The following ZNF326 variants were observed in gnomAD, a reference collection of about 807,000 sequenced individuals.
The protein encoded by ZNF326 is DBIRD complex subunit ZNF326.
In ZNF326, 30 loss-of-function variants were observed where a neutral mutation model predicts 63.1. The observed-to-expected ratio is 0.48, with a 90% CI of 0.36 to 0.64. ZNF326 has a LOEUF of 0.64. Ranked by LOEUF, ZNF326 falls within the 30% of genes least tolerant of loss-of-function variation. ZNF326 has a pLI of 0.00. For missense variants in ZNF326, 609 were observed against 720.3 expected (o/e 0.85, Z 1.77); for synonymous variants, 194 against 228.2 (o/e 0.85, Z 1.35).
At position 90,007,197 on chromosome 1, in the gene ZNF326, A is replaced by T; in HGVS notation, c.210-148A>T. 1 of 731,512 alleles carries T rather than the reference A, an allele frequency of 1.4e-6. No homozygotes were observed. 45.3% of individuals were successfully genotyped at this position (731,512 alleles called of 1,614,324 possible). On this transcript the variant is annotated intron_variant, in intron 4 of 11. Coordinates refer to ENST00000340281, the MANE Select transcript of ZNF326 (RefSeq NM_182976.4). This position sits in a 1 kb window ranked among gnomAD's most constrained non-coding sequence, Gnocchi z 4.9. ...TCTCACGTTGAACTGCCCAGCCCTA[A>T]TCAAATGTGAACAAAAGTAGAACTG...
rs1378231842 is a variant in ZNF326, at chr1:90,028,772, A to AT, written c.*1078dup. 2.7e-5 allele frequency: 4 copies of AT among 149,730 alleles called. No homozygotes were observed. Among genetic ancestry groups the AT allele is most frequent in the Non-Finnish European group, 4.4e-5 (3 of 67,484 alleles). 9.3% of individuals were successfully genotyped at this position (149,730 alleles called of 1,614,324 possible). A position where few individuals can be genotyped will look rare whatever the true frequency, so the allele number is the denominator to read the frequency against. ...TATGTCACTAAAAAGTAGTGCTCTT[A>AT]TTTTTTTCAATCTTTACTGTGGCCT... On this transcript the variant is annotated 3_prime_UTR_variant, in exon 12 of 12. Transcript: ENST00000340281.
intron 7 of ZNF326, among the ~76,000 whole-genome samples, chr1:90,015,333 T>C (rs999163944): frequency 3.3e-5 from 5 of 152,154 alleles, no homozygotes; most frequent in Non-Finnish European, 5.9e-5. Context: ...TAATAGTGTA[T>C]GGTGAAGGAT....
At chr1:89,999,256 A>G (rs548801157) in intron 2 of ZNF326, among the ~76,000 whole-genome samples, 2 of 151,212 alleles carry the variant, frequency 1.3e-5, no homozygotes, top group African/African-American at 4.8e-5. Context: ...CTGACTAGTA[A>G]TGGGTAGAAA....
intron 7 of ZNF326, among the ~76,000 whole-genome samples, chr1:90,015,500 T>G (rs1557524613): frequency 6.6e-6 from 1 of 152,050 alleles, no homozygotes. Context: ...GGCAACATGG[T>G]GAAACCTCAT....
intron 2 of ZNF326, among the ~76,000 whole-genome samples, chr1:90,002,571 A>G (rs1306803214): frequency 6.6e-6 from 1 of 152,208 alleles, no homozygotes; most frequent in African/African-American, 2.4e-5. Flanking sequence ...CTATATACTT[A>G]CCAACTGTAT....
At position 90,027,471 on chromosome 1, in the gene ZNF326, G is replaced by A. The variant is rs535814299; in HGVS notation, c.1519G>A (p.Glu507Lys). 1.9e-6 allele frequency: 3 copies of A among 1,613,808 alleles called. No homozygotes were observed. Among genetic ancestry groups the A allele is most frequent in the East Asian group, 4.5e-5 (2 of 44,856 alleles). ...IEEEEDEDEE[E>K]EAEEVGEVEE... ...AGAAGAGGAGGATGAAGATGAGGAAGAAGAAGCAGAGGAAGTGGGGGAAGT... is the reference window on the plus strand; with the variant it reads ...AGAAGAGGAGGATGAAGATGAGGAAAAAGAAGCAGAGGAAGTGGGGGAAGT... The change falls in exon 12 of 12, where the codon GAA (glutamate) becomes AAA (lysine). Residue 507 changes from glutamate to lysine, a missense_variant. Around this residue, in one of 3 missense-constraint regions of ZNF326, gnomAD observed 399 missense variants for 444.3 expected, o/e 0.90. Transcript: ENST00000340281.
chr1:90,017,317 A>G lies in ZNF326; in HGVS notation c.927A>G (p.Arg309=), dbSNP rs777293001. 12 of 1,582,138 alleles carry G rather than the reference A, an allele frequency of 7.6e-6. No individual in the cohort carries two copies. The highest frequency in any genetic ancestry group is 1.0e-5 in the Non-Finnish European group (12 of 1,169,304). Residue 309 remains arginine (R), a splice_region_variant and synonymous_variant, in exon 8 of 12, where the codon AGA becomes AGG. Transcript: ENST00000340281. ...AGGAAAACTTTTTTTTCTCTTACAG[A>G]ATGGCATTTACATGTTCATTTTGTA... ...KNSEKYGDGY[R]MAFTCSFCKF... is the part of the protein sequence containing the mutation.
Position 90,020,777 on chromosome 1 carries a change from G to T in ZNF326, c.1175-15G>T. ...CATATGAATTATTTCTTTAATAATT[G>T]GATGTCTTTTGTAGGTGTTACTGTA... On this transcript the variant is annotated splice_polypyrimidine_tract_variant and intron_variant, in intron 9 of 11. Transcript: ENST00000340281. The T allele has an allele frequency of 6.3e-7, 1 of 1,590,344 alleles. No individual in the cohort carries two copies. The highest frequency in any genetic ancestry group is 8.5e-7 in the Non-Finnish European group (1 of 1,170,316).
intron 11 of ZNF326, among the ~76,000 whole-genome samples, chr1:90,026,036 T>A (rs1650000366): frequency 6.6e-6 from 1 of 151,710 alleles, no homozygotes. Flanking sequence ...CGATCTTGGC[T>A]CACTGCAGGC....
intron 5 of ZNF326, among the ~76,000 whole-genome samples, chr1:90,008,335 C>A (rs1221420718): frequency 6.6e-6 from 1 of 152,174 alleles, no homozygotes; most frequent in Non-Finnish European, 1.5e-5. Flanking sequence ...CTCACGCTTA[C>A]AATATGTCCA....
intron 7 of ZNF326, among the ~76,000 whole-genome samples, chr1:90,015,824 C>A (rs978680872): frequency 1.3e-5 from 2 of 152,108 alleles, no homozygotes; most frequent in Admixed American, 6.6e-5. Context: ...GCCATCAAAG[C>A]AAACAGGAAT....
intron 11 of ZNF326, among the ~76,000 whole-genome samples, chr1:90,026,924 A>G (rs1434629381): frequency 6.6e-6 from 1 of 152,164 alleles, no homozygotes; most frequent in African/African-American, 2.4e-5. Flanking sequence ...TATCTAGTAG[A>G]TTAAGCGAGG....
intron 7 of ZNF326, 65 bp downstream of exon 7, chr1:90,013,302 T>C: frequency 8.4e-7 from 1 of 1,190,418 alleles, no homozygotes; most frequent in Non-Finnish European, 1.1e-6. Flanking sequence ...AGCCAACACA[T>C]CAATTGTAAT....
intron 11 of ZNF326, among the ~76,000 whole-genome samples, chr1:90,023,599 A>G (rs1040266093): frequency 1.3e-5 from 2 of 152,128 alleles, no homozygotes; most frequent in Non-Finnish European, 2.9e-5. Context: ...ATCCAATTTT[A>G]TGAGAGGTAT....
chr1:90,022,218 C>T, intron 10 of ZNF326, 32 bp from the exon 11 acceptor site: 1 of 1,465,194 alleles, frequency 6.8e-7, no homozygotes, highest in Non-Finnish European at 9.4e-7. Flanking sequence ...GCATGGTTTT[C>T]AAGAACCCTC....
chr1:90,029,691 A>G lies in ZNF326; in HGVS notation c.*1990A>G, dbSNP rs1052736718. ...GGAAGAAAACCATTATGTAACAAGA[A>G]TCCTATGTAACAACTGGGTAAATGT... On this transcript the variant is annotated 3_prime_UTR_variant, in exon 12 of 12. Transcript: ENST00000340281. 6.6e-6 allele frequency: 1 copy of G among 152,232 alleles called. No homozygotes were observed. Among genetic ancestry groups the G allele is most frequent in the Non-Finnish European group, 1.5e-5 (1 of 68,034 alleles). 9.4% of individuals were successfully genotyped at this position (152,232 alleles called of 1,614,324 possible). A position where few individuals can be genotyped will look rare whatever the true frequency, so the allele number is the denominator to read the frequency against.
At position 89,995,253 on chromosome 1, in the gene ZNF326, C is replaced by A; in HGVS notation, c.-5C>A. Reference sequence around the variant, plus strand: ...CGCCAAGGCCGACGGCCCTCAGCCTCTGCCATGGACTTCGAGGACGGTAAG... The same window carrying A: ...CGCCAAGGCCGACGGCCCTCAGCCTATGCCATGGACTTCGAGGACGGTAAG... On this transcript the variant is annotated 5_prime_UTR_variant, in exon 1 of 12. It adds an upstream start codon to the 5' untranslated region. Coordinates refer to ENST00000340281, the MANE Select transcript of ZNF326 (RefSeq NM_182976.4). The A allele has an allele frequency of 6.4e-7, 1 of 1,554,776 alleles. No homozygotes were observed. Among genetic ancestry groups the A allele is most frequent in the East Asian group, 2.5e-5 (1 of 40,426 alleles).
At chr1:90,015,249 A>G (rs894684640) in intron 7 of ZNF326, among the ~76,000 whole-genome samples, 15 of 152,238 alleles carry the variant, frequency 9.9e-5, no homozygotes, top group Admixed American at 2.0e-4. Context: ...ATAATAAAGC[A>G]CATGGAAAGG....
In ZNF326 at chr1:90,017,282, T is replaced by A. The variant is rs367888254; in HGVS notation, c.927-35T>A. 5.4e-4 allele frequency: 781 copies of A among 1,450,998 alleles called. 2 individuals carry two copies. The highest frequency in any genetic ancestry group is 5.0e-3 in the Middle Eastern group (27 of 5,364). The allele number at this position is 1,450,998 out of a possible 1,614,324, so 89.9% of individuals were successfully genotyped here. A position where few individuals can be genotyped will look rare whatever the true frequency, so the allele number is the denominator to read the frequency against. ...ATGAACTCTTTATAGTTGAATAAAG[T>A]AATATTTAAAGGAAAACTTTTTTTT... On this transcript the variant is annotated intron_variant, in intron 7 of 11. Transcript: ENST00000340281.
Sources: allele counts gnomAD v4.1 joint callset (sites outside exome capture counted in the v4.1 genomes callset), GRCh38; gene constraint gnomAD v4.1.1; regional missense constraint gnomAD v4.1.1; non-coding constraint Gnocchi (gnomAD v3.1); transcripts MANE v1.5; gene names NCBI Gene and HGNC (gene_info 2026-07-23, HGNC 2026-07-21).